Variants in DOCK4 observed in about 807,000 individuals in gnomAD.
DOCK4 encodes the protein dedicator of cytokinesis protein 4.
Under a neutral mutation model 268.1 loss-of-function variants are expected in DOCK4, and 97 were observed. That is an observed-to-expected ratio of 0.36 (90% CI 0.31 to 0.43). The LOEUF is 0.43. DOCK4 is among the 20% of genes least tolerant of loss of function. The probability of loss-of-function intolerance (pLI) is 1.00; values close to 1 mark genes in which losing one functional copy is unlikely to be tolerated. For missense variants in DOCK4, 2,145 were observed against 2,455.7 expected, an observed-to-expected ratio of 0.87 and a Z score of 2.67; for synonymous variants, 954 against 887.2, an observed-to-expected ratio of 1.08 and a Z score of -1.34.
Position 111,782,871 on chromosome 7 carries a change from C to T in DOCK4, c.3578G>A (p.Ser1193Asn), listed in dbSNP as rs1437599606. ...GGGGAATAGTTTACTAACCAGAAGG[C>T]TAACTGTGCAGCCAATCTTTTTGCC... ...VDGKKIGCTV[S>N]LLNFYKTELN... Residue 1193 changes from serine (S) to asparagine (N), a missense_variant, in exon 35 of 53, where the codon AGC (serine) becomes AAC (asparagine). Ser to Asn is a conservative substitution (Grantham distance 46, BLOSUM62 1). Transcript: ENST00000428084. The T allele has an allele frequency of 1.2e-6, 2 of 1,613,650 alleles. No individual in the cohort carries two copies. The highest frequency in any genetic ancestry group is 1.7e-6 in the Non-Finnish European group (2 of 1,179,760).
rs759178236 is a variant in DOCK4 at position 111,728,701 on chromosome 7, G to C, written c.5501C>G (p.Thr1834Ser). Residue 1834 changes from threonine to serine, a missense_variant, in exon 53 of 53, where the codon ACC becomes AGC. By Grantham distance (58) the Thr-to-Ser change is moderately conservative (BLOSUM62 1). Around this residue, in one of 2 missense-constraint regions of DOCK4, gnomAD observed 547 missense variants for 469.0 expected, o/e 1.17. Transcript: ENST00000428084. ...CGAGTGGTACTCCACTGGAGAGGGG[G>C]TGAAAGACTGCACAGAGCCCTGCTC... ...SPLKGSVQSF[T>S]PSPVEYHSPG... 6.2e-7 allele frequency: 1 copy of C among 1,612,658 alleles called. No individual in the cohort carries two copies. Among genetic ancestry groups the C allele is most frequent in the Non-Finnish European group, 8.5e-7 (1 of 1,179,298 alleles).
intron 1 of DOCK4, among the ~76,000 whole-genome samples, chr7:112,079,745 C>T (rs1808413128): frequency 6.6e-6 from 1 of 152,186 alleles, no homozygotes; most frequent in Non-Finnish European, 1.5e-5. Context: ...ATCAGAAAAG[C>T]ACCTCCCTCA....
Position 112,158,668 on chromosome 7 carries a change from T to G in DOCK4, c.37+47434A>C, listed in dbSNP as rs553029737. 2.0e-5 allele frequency among the ~76,000 whole-genome samples: 3 copies of G among 152,312 alleles called. No homozygotes were observed. The South Asian group carries it at 6.2e-4, about 32-fold the overall frequency. On this transcript the variant is annotated intron_variant, in intron 1 of 52. Transcript: ENST00000428084. Reference sequence around the variant, plus strand: ...TACTAAGGTTATCAGTGTCAAATACTGAAAATTTCAAAGAAACTATCACTT... The same window carrying G: ...TACTAAGGTTATCAGTGTCAAATACGGAAAATTTCAAAGAAACTATCACTT...
Position 111,767,053 on chromosome 7 carries a change from G to A in DOCK4, c.3894C>T (p.Tyr1298=). The A allele has an allele frequency of 1.2e-6, 2 of 1,613,644 alleles. No homozygotes were observed. Among genetic ancestry groups the A allele is most frequent in the Non-Finnish European group, 1.7e-6 (2 of 1,179,726 alleles). Residue 1298 remains tyrosine (Y), a synonymous_variant, in exon 38 of 53, where the codon TAC becomes TAT. Coordinates refer to ENST00000428084, the MANE Select transcript of DOCK4 (RefSeq NM_001363540.2). ...TTACCCGCATCTTGCTCAGGTTTCTGTAGTCATAATAACTCTCATACTGCT... is the reference window on the plus strand; with the variant it reads ...TTACCCGCATCTTGCTCAGGTTTCTATAGTCATAATAACTCTCATACTGCT... ...IAEQYESYYD[Y]RNLSKMRMME...
intron 12 of DOCK4, among the ~76,000 whole-genome samples, chr7:111,917,082 G>A (rs1233482456): frequency 6.8e-6 from 1 of 146,738 alleles, no homozygotes; most frequent in Non-Finnish European, 1.5e-5. Flanking sequence ...CCGCCTCCCG[G>A]GTTCAAGCAA....
At chr7:111,778,652 A>C (rs931723948) in intron 35 of DOCK4, among the ~76,000 whole-genome samples, 49 of 152,218 alleles carry the variant, frequency 3.2e-4, no homozygotes, top group African/African-American at 1.1e-3. Context: ...AGCCTGTTCA[A>C]CTAAAAAATA....
In DOCK4 at chr7:111,863,367, C is replaced by G; in HGVS notation, c.2473+5G>C. ...GCACAATTTCCTCCAAGAGACTCAC[C>G]CTACCTGGGTTGGTATAAAGCTGGC... On this transcript the variant is annotated splice_donor_5th_base_variant and intron_variant, in intron 23 of 52. Transcript: ENST00000428084. The G allele has an allele frequency of 1.9e-6, 3 of 1,613,930 alleles. No individual in the cohort carries two copies. The South Asian group carries it at 3.3e-5, about 18-fold the overall frequency.
chr7:111,834,179 T>C (rs764686890), intron 26 of DOCK4, among the ~76,000 whole-genome samples: 1 of 152,212 alleles, frequency 6.6e-6, no homozygotes, highest in Non-Finnish European at 1.5e-5. Flanking sequence ...AGTCAAAAAG[T>C]TGTAGCCAGA....
At chr7:111,902,445 AT>A (rs1426100217) in intron 13 of DOCK4, among the ~76,000 whole-genome samples, 1 of 152,132 alleles carries the variant, frequency 6.6e-6, no homozygotes, top group Non-Finnish European at 1.5e-5. Context: ...TATACTGTCG[AT>A]TTTTTCTCTA....
Position 111,728,369 on chromosome 7 carries a change from G to A in DOCK4, c.5833C>T (p.Leu1945=). Residue 1945 remains leucine (L), a synonymous_variant, in exon 53 of 53, where the codon CTG becomes TTG. Coordinates refer to ENST00000428084, the MANE Select transcript of DOCK4 (RefSeq NM_001363540.2). ...SEPPALPPKP[L]AARSSHLENG... is the part of the protein sequence containing the mutation. Reference sequence around the variant, plus strand: ...TCCAGGTGGCTGGATCGCGCTGCCAGAGGCTTGGGGGGCAGCGCGGGCGGC... The same window carrying A: ...TCCAGGTGGCTGGATCGCGCTGCCAAAGGCTTGGGGGGCAGCGCGGGCGGC... The A allele has an allele frequency of 6.5e-7, 1 of 1,529,000 alleles. No homozygotes were observed. The highest frequency in any genetic ancestry group is 8.8e-7 in the Non-Finnish European group (1 of 1,139,760). The allele number at this position is 1,529,000 out of a possible 1,614,324, so 94.7% of individuals were successfully genotyped here.
rs1229218073 is a variant in DOCK4 at position 111,957,051 on chromosome 7, C to CT, written c.702-11254dup. Among the ~76,000 whole-genome samples, 3 of 152,090 alleles carry CT rather than the reference C, an allele frequency of 2.0e-5. No homozygotes were observed. The East Asian group carries it at 5.8e-4, about 29-fold the overall frequency. The stretch of plus-strand genomic sequence containing the variant: ...AACTGTATTTTTTGAAGATCAGGTG[C>CT]TTTTTTAACCTGGGAGCTACAAAGC... On this transcript the variant is annotated intron_variant, in intron 8 of 52. Transcript: ENST00000428084.
intron 1 of DOCK4, among the ~76,000 whole-genome samples, chr7:112,078,711 T>G (rs181348504): frequency 1.3e-4 from 20 of 152,162 alleles, no homozygotes; most frequent in African/African-American, 4.8e-4. Context: ...AGCAGAGGCA[T>G]AGGAACGTCT....
At chr7:112,023,766 T>C (rs1336349586) in intron 1 of DOCK4, 1 of 283,036 alleles carries the variant, frequency 3.5e-6, no homozygotes, top group Non-Finnish European at 7.2e-6. Context: ...TGAAAATCCA[T>C]AAAGAAAATC....
chr7:112,070,374 A>C (rs1317060075), intron 1 of DOCK4, among the ~76,000 whole-genome samples: 4 of 152,184 alleles, frequency 2.6e-5, no homozygotes, highest in Non-Finnish European at 5.9e-5. Context: ...TAACTATGGG[A>C]ATTGATATAT....
chr7:111,898,994 C>T (rs1200026170), intron 15 of DOCK4, among the ~76,000 whole-genome samples: 2 of 152,114 alleles, frequency 1.3e-5, no homozygotes. Context: ...TATTAGACCC[C>T]AGTGAGAATT....
chr7:111,726,502 T>G lies in DOCK4; in HGVS notation c.*1772A>C, dbSNP rs1479134159. 1.3e-5 allele frequency: 2 copies of G among 152,386 alleles called. No individual in the cohort carries two copies. The highest frequency in any genetic ancestry group is 2.9e-5 in the Non-Finnish European group (2 of 68,036). 9.4% of individuals were successfully genotyped at this position (152,386 alleles called of 1,614,324 possible). ...ATGTGGTTACAAACACGAAGTGTTATCAAAAGCAAAAGCTAGTTCAAAAAA... is the reference window on the plus strand; with the variant it reads ...ATGTGGTTACAAACACGAAGTGTTAGCAAAAGCAAAAGCTAGTTCAAAAAA... On this transcript the variant is annotated 3_prime_UTR_variant, in exon 53 of 53. Transcript: ENST00000428084.
intron 16 of DOCK4, among the ~76,000 whole-genome samples, chr7:111,880,839 T>C (rs1807317397): frequency 6.6e-6 from 1 of 151,954 alleles, no homozygotes; most frequent in African/African-American, 2.4e-5. Context: ...GTCTCTTCAA[T>C]AAACGGTGCT....
chr7:111,987,881 A>G (rs975448692), intron 6 of DOCK4, among the ~76,000 whole-genome samples: 1 of 152,184 alleles, frequency 6.6e-6, no homozygotes, highest in African/African-American at 2.4e-5. Flanking sequence ...TCTTCTATTC[A>G]TTGTCTGTAA....
intron 23 of DOCK4, among the ~76,000 whole-genome samples, chr7:111,855,938 C>T (rs1025850236): frequency 6.6e-6 from 1 of 152,132 alleles, no homozygotes; most frequent in Non-Finnish European, 1.5e-5. Context: ...TTACAGGCTA[C>T]TCAAATAGAG....
Sources: gnomAD v4.1 joint callset for allele counts (sites outside exome capture counted in the v4.1 genomes callset) on GRCh38, gnomAD v4.1.1 for gene constraint, gnomAD v4.1.1 regional missense constraint, MANE v1.5 for transcripts, NCBI Gene and HGNC (gene_info 2026-07-23, HGNC 2026-07-21) for gene names.